PALLD: variants seen among roughly 807,000 people sequenced by gnomAD.
PALLD encodes the protein palladin, cytoskeletal associated protein.
In PALLD, 61 loss-of-function variants were observed where a neutral mutation model predicts 123.5. The observed-to-expected ratio is 0.49, with a 90% CI of 0.40 to 0.61. PALLD has a LOEUF of 0.61. Ranked by LOEUF, PALLD falls within the 20% of genes least tolerant of loss-of-function variation. The pLI, the probability that PALLD is intolerant of heterozygous loss-of-function variation, is 0.00. For missense variants in PALLD, 1,273 were observed against 1,377.0 expected (o/e 0.92, Z 1.20); for synonymous variants, 465 against 496.4 (o/e 0.94, Z 0.84).
At chr4:168,717,543 G>C (rs555025411) in intron 10 of PALLD, among the ~76,000 whole-genome samples, 5 of 152,004 alleles carry the variant, frequency 3.3e-5, no homozygotes, top group Admixed American at 6.5e-5. Context: ...TAGAGACCGG[G>C]TTTCACCATA....
At chr4:168,596,450 A>T (rs994243106) in intron 2 of PALLD, among the ~76,000 whole-genome samples, 4 of 152,014 alleles carry the variant, frequency 2.6e-5, no homozygotes, top group Non-Finnish European at 5.9e-5. Context: ...GAAAGAACCA[A>T]ATGTGTTTCT....
rs1456010147 is a variant in PALLD, at chr4:168,915,906, G to C, written c.2729G>C (p.Arg910Thr). ...TTTCTTGTTTCAAGGCCTCGTTCTA[G>C]ATCAAGGGACAGTGGAGACGAAAAT... ...GHPHVRRPRSRSRDSGDENEP... is the reference protein window; with the variant it reads ...GHPHVRRPRSTSRDSGDENEP... Residue 910 changes from arginine (R) to threonine (T), a missense_variant, in exon 17 of 22, where the codon AGA becomes ACA. Around this residue, in one of 2 missense-constraint regions of PALLD, gnomAD observed 329 missense variants for 422.5 expected, o/e 0.78. Coordinates refer to ENST00000505667, the MANE Select transcript of PALLD (RefSeq NM_001166108.2). The C allele has an allele frequency of 5.0e-6, 8 of 1,612,998 alleles. No homozygotes were observed. Among genetic ancestry groups the C allele is most frequent in the Non-Finnish European group, 6.8e-6 (8 of 1,179,118 alleles).
intron 10 of PALLD, among the ~76,000 whole-genome samples, chr4:168,778,567 G>T (rs1422401270): frequency 6.6e-6 from 1 of 152,132 alleles, no homozygotes; most frequent in Non-Finnish European, 1.5e-5. Context: ...CAGATTTAGG[G>T]TGTCTAGCAC....
chr4:168,675,661 A>T (rs866341927), intron 3 of PALLD, among the ~76,000 whole-genome samples: 1 of 152,344 alleles, frequency 6.6e-6, no homozygotes, highest in South Asian at 2.1e-4. Context: ...GGGTTAATCC[A>T]CTGGGGTGGT....
intron 7 of PALLD, 145 bp downstream of exon 7, chr4:168,690,889 C>G (rs1268022593): frequency 2.2e-6 from 2 of 890,504 alleles, no homozygotes; most frequent in East Asian, 4.8e-5. Flanking sequence ...GTGTTGAAAT[C>G]CAGTAAATGG....
At chr4:168,838,507 A>G (rs980831676) in intron 10 of PALLD, among the ~76,000 whole-genome samples, 3 of 151,914 alleles carry the variant, frequency 2.0e-5, no homozygotes, top group African/African-American at 7.3e-5. Context: ...GAGAGATGTG[A>G]AACAGTCACC....
At chr4:168,925,420 T>C in intron 21 of PALLD, 142 bp downstream of exon 21, 1 of 727,428 alleles carries the variant, frequency 1.4e-6, no homozygotes, top group Non-Finnish European at 2.5e-6. Flanking sequence ...TCACATGTTC[T>C]TGTTACTGTG....
intron 2 of PALLD, among the ~76,000 whole-genome samples, chr4:168,650,975 G>A (rs548851954): frequency 2.0e-5 from 3 of 152,250 alleles, no homozygotes; most frequent in East Asian, 3.9e-4. Flanking sequence ...AAGACTAAGT[G>A]ATATAATCCA....
intron 2 of PALLD, among the ~76,000 whole-genome samples, chr4:168,538,796 A>T (rs752101957): frequency 1.1e-4 from 17 of 152,366 alleles, no homozygotes; most frequent in Non-Finnish European, 2.1e-4. Context: ...AGCTTAAAAG[A>T]TCAGAAAGGC....
chr4:168,505,176 C>T (rs901639342), intron 1 of PALLD, among the ~76,000 whole-genome samples: 4 of 152,170 alleles, frequency 2.6e-5, no homozygotes, highest in Non-Finnish European at 5.9e-5. Flanking sequence ...TGCATGTTCC[C>T]GCGGCAATAA....
intron 10 of PALLD, among the ~76,000 whole-genome samples, chr4:168,761,665 T>TTTTG (rs1732941485): frequency 7.8e-6 from 1 of 128,952 alleles, no homozygotes; most frequent in African/African-American, 3.1e-5. Flanking sequence ...TTTTTTTTTT[T>TTTTG]TTTTTTTTTT....
At chr4:168,703,155 G>A (rs1210828968) in intron 8 of PALLD, among the ~76,000 whole-genome samples, 2 of 144,712 alleles carry the variant, frequency 1.4e-5, no homozygotes, top group Admixed American at 6.9e-5. Context: ...GAGAATATGC[G>A]GTGTTTGGTT....
At chr4:168,781,022 CG>C (rs1735842146) in intron 10 of PALLD, among the ~76,000 whole-genome samples, 3 of 152,198 alleles carry the variant, frequency 2.0e-5, no homozygotes, top group Admixed American at 2.0e-4. Context: ...AGATAGGAGT[CG>C]ACATTTGAAA....
intron 10 of PALLD, among the ~76,000 whole-genome samples, chr4:168,733,947 G>A (rs955469311): frequency 6.6e-6 from 1 of 152,188 alleles, no homozygotes; most frequent in Admixed American, 6.5e-5. Flanking sequence ...ATGTTAGCCA[G>A]GATGGTCTCG....
chr4:168,651,586 TC>T (rs545502663), intron 2 of PALLD, among the ~76,000 whole-genome samples: 6 of 151,756 alleles, frequency 4.0e-5, no homozygotes, highest in African/African-American at 9.7e-5. Context: ...TCTTTTTTTT[TC>T]CCCCCCGCAA....
intron 10 of PALLD, among the ~76,000 whole-genome samples, chr4:168,713,695 A>T (rs1785056009): frequency 6.6e-6 from 1 of 152,100 alleles, no homozygotes; most frequent in Non-Finnish European, 1.5e-5. Flanking sequence ...TGACAGCTTA[A>T]GCACAAGTTT....
chr4:168,589,268 T>C (rs1035701257), intron 2 of PALLD, among the ~76,000 whole-genome samples: 2 of 152,172 alleles, frequency 1.3e-5, no homozygotes, highest in African/African-American at 4.8e-5. Context: ...GGCCGGGTGC[T>C]TGTCAGCTTA....
chr4:168,801,091 A>G (rs2150679020), intron 10 of PALLD, among the ~76,000 whole-genome samples: 1 of 152,316 alleles, frequency 6.6e-6, no homozygotes, highest in Non-Finnish European at 1.5e-5. Flanking sequence ...TGCATAACTG[A>G]ATAGTAAAGT....
chr4:168,668,319 T>C lies in PALLD; in HGVS notation c.1038T>C (p.Ala346=). Residue 346 remains alanine (A), a synonymous_variant, in exon 3 of 22, where the codon GCT becomes GCC. Coordinates refer to ENST00000505667, the MANE Select transcript of PALLD (RefSeq NM_001166108.2). ...EDDTGRYTCL[A]TNPSGSDTTS... ...ACACAGGTCGCTACACCTGTTTGGC[T>C]ACGAATCCCAGCGGCTCAGACACAA... 2.5e-6 allele frequency: 4 copies of C among 1,612,916 alleles called. No individual in the cohort carries two copies. The highest frequency in any genetic ancestry group is 3.4e-6 in the Non-Finnish European group (4 of 1,179,116).
Sources: gnomAD v4.1 joint callset for allele counts (sites outside exome capture counted in the v4.1 genomes callset) on GRCh38, gnomAD v4.1.1 for gene constraint, gnomAD v4.1.1 regional missense constraint, MANE v1.5 for transcripts, NCBI Gene and HGNC (gene_info 2026-07-23, HGNC 2026-07-21) for gene names.